PCDHA13: variants seen among roughly 807,000 people sequenced by gnomAD.
PCDHA13 encodes the protein protocadherin alpha-13.
PCDHA13 carries 54 observed loss-of-function variants against 64.8 expected under a neutral mutation model. The observed-to-expected ratio is 0.83, with a 90% CI of 0.67 to 1.04. The LOEUF is 1.04. Ranked by LOEUF, PCDHA13 falls within the 50% of genes least tolerant of loss-of-function variation. The pLI is 0.00. For synonymous variants in PCDHA13, 587 were observed against 564.4 expected (o/e 1.04, Z -0.57); for missense variants, 1,248 against 1,254.3 (o/e 0.99, Z 0.08).
chr5:140,939,018 T>G (rs1554212547), intron 1 of PCDHA13, among the ~76,000 whole-genome samples: 1 of 152,228 alleles, frequency 6.6e-6, no homozygotes, highest in Non-Finnish European at 1.5e-5. Context: ...TTACTTTTCT[T>G]TTACTTATTC....
chr5:140,892,424 C>T (rs1288815822), intron 1 of PCDHA13, among the ~76,000 whole-genome samples: 1 of 152,040 alleles, frequency 6.6e-6, no homozygotes, highest in Non-Finnish European at 1.5e-5. Context: ...CTAGATAAAA[C>T]CTCATTATCT....
intron 1 of PCDHA13, among the ~76,000 whole-genome samples, chr5:140,949,632 T>C (rs932981591): frequency 2.6e-5 from 4 of 151,894 alleles, no homozygotes; most frequent in Non-Finnish European, 5.9e-5. Flanking sequence ...TCATGGCATA[T>C]TGCTTTTTGT....
intron 1 of PCDHA13, among the ~76,000 whole-genome samples, chr5:140,954,899 T>C (rs2095107956): frequency 6.6e-6 from 1 of 152,196 alleles, no homozygotes; most frequent in South Asian, 2.1e-4. Flanking sequence ...GTTTTTATAG[T>C]TTCATACTTT....
intron 1 of PCDHA13, among the ~76,000 whole-genome samples, chr5:140,934,050 C>T (rs558726288): frequency 6.6e-6 from 1 of 151,952 alleles, no homozygotes; most frequent in East Asian, 1.9e-4. Flanking sequence ...TTAGTCTTTC[C>T]AAGGCTAACT....
At chr5:140,928,096 C>T (rs145229632) in intron 1 of PCDHA13, 1 of 1,614,170 alleles carries the variant, frequency 6.2e-7, no homozygotes, top group Non-Finnish European at 8.5e-7. Context: ...GATTGATGGG[C>T]CCCTGGACCG....
In PCDHA13 at chr5:140,967,905, C is replaced by G. The variant is rs782291807; in HGVS notation, c.2395-11044C>G. ...AGCCCAGTGCCTGAGAATGCTACAC[C>G]CAACACCATTGTGGCCGTTCTCAGT... is the stretch of plus-strand genomic sequence containing the variant. On this transcript the variant is annotated intron_variant, in intron 1 of 3. Transcript: ENST00000289272. 36 of 1,614,168 alleles carry G rather than the reference C, an allele frequency of 2.2e-5. No homozygotes were observed. Among genetic ancestry groups the G allele is most frequent in the Non-Finnish European group, 2.8e-5 (33 of 1,180,028 alleles).
intron 2 of PCDHA13, among the ~76,000 whole-genome samples, chr5:140,981,149 G>T (rs2096919822): frequency 6.6e-6 from 1 of 152,202 alleles, no homozygotes; most frequent in South Asian, 2.1e-4. Flanking sequence ...AGAAAACATT[G>T]AACTTATATG....
At position 140,946,014 on chromosome 5, in the gene PCDHA13, C is replaced by T. The variant is rs116323983; in HGVS notation, c.2395-32935C>T. On this transcript the variant is annotated intron_variant, in intron 1 of 3. Coordinates refer to ENST00000289272, the MANE Select transcript of PCDHA13 (RefSeq NM_018904.3). ...ATTGCATCAAACTAAAAAGCTCCTG[C>T]GCAGCAAAGAAAACAAGAGTGAAGG... Among the ~76,000 whole-genome samples, 849 of 151,986 alleles carry T rather than the reference C, an allele frequency of 5.6e-3. 7 individuals carry two copies. The highest frequency in any genetic ancestry group is 0.02 in the African/African-American group (814 of 41,504).
At chr5:140,909,215 AC>A (rs1554193695) in intron 1 of PCDHA13, among the ~76,000 whole-genome samples, 1 of 152,160 alleles carries the variant, frequency 6.6e-6, no homozygotes, top group African/African-American at 2.4e-5. Flanking sequence ...GAGTTGATAT[AC>A]CCCTGAGGTA....
At chr5:140,967,669 G>C in intron 1 of PCDHA13, 9 of 1,614,126 alleles carry the variant, frequency 5.6e-6, no homozygotes, top group Non-Finnish European at 7.6e-6. Flanking sequence ...GCTACACGTC[G>C]GACCGGGAGA....
chr5:140,917,633 A>T (rs537704186), intron 1 of PCDHA13, among the ~76,000 whole-genome samples: 1 of 152,268 alleles, frequency 6.6e-6, no homozygotes, highest in East Asian at 1.9e-4. Context: ...ATGGTTAGCT[A>T]GTTATCCCAG....
chr5:140,982,623 C>T, intron 3 of PCDHA13, 60 bp downstream of exon 3: 1 of 1,583,652 alleles, frequency 6.3e-7, no homozygotes, highest in South Asian at 1.2e-5. Context: ...AGATGACCTA[C>T]TTTTGTAAGA....
At position 141,011,260 on chromosome 5, in the gene PCDHA13, C is replaced by T. The variant is rs2098420018; in HGVS notation, c.*1323C>T. On this transcript the variant is annotated 3_prime_UTR_variant, in exon 4 of 4. Coordinates refer to ENST00000289272, the MANE Select transcript of PCDHA13 (RefSeq NM_018904.3). ...TGACTTGTCTTGGTGTGCTAGCCTA[C>T]ACCTTCTCTTTGGTTTAGTTTTCCT... The T allele has an allele frequency of 6.5e-6, 1 of 153,766 alleles. No individual in the cohort carries two copies. The highest frequency in any genetic ancestry group is 6.5e-5 in the Admixed American group (1 of 15,278). 9.5% of individuals were successfully genotyped at this position (153,766 alleles called of 1,614,324 possible).
At chr5:140,993,464 A>T (rs1309811031) in intron 3 of PCDHA13, among the ~76,000 whole-genome samples, 11 of 28,960 alleles carry the variant, frequency 3.8e-4, no homozygotes, top group South Asian at 2.7e-3. Flanking sequence ...TTTCTTTCTC[A>T]CACACACACA....
intron 1 of PCDHA13, among the ~76,000 whole-genome samples, chr5:140,914,423 G>T (rs1293093692): frequency 3.3e-5 from 5 of 152,086 alleles, no homozygotes; most frequent in African/African-American, 1.2e-4. Context: ...CCATTAGCAA[G>T]GAATATCTTT....
chr5:140,941,841 A>G (rs1483251367), intron 1 of PCDHA13, among the ~76,000 whole-genome samples: 1 of 152,180 alleles, frequency 6.6e-6, no homozygotes, highest in Non-Finnish European at 1.5e-5. Flanking sequence ...TTAGGCTGCC[A>G]TTACCTGATA....
intron 1 of PCDHA13, among the ~76,000 whole-genome samples, chr5:140,888,841 C>T (rs2062001270): frequency 1.3e-5 from 2 of 151,998 alleles, no homozygotes; most frequent in Admixed American, 1.3e-4. Flanking sequence ...CCACTGCAGC[C>T]TGGTGACAGA....
chr5:140,962,369 AT>A (rs1181838799), intron 1 of PCDHA13, among the ~76,000 whole-genome samples: 1 of 152,154 alleles, frequency 6.6e-6, no homozygotes, highest in Admixed American at 6.5e-5. Flanking sequence ...GGCTAGTTTG[AT>A]TTTATCTGTT....
chr5:140,933,762 T>C (rs2089409260), intron 1 of PCDHA13, among the ~76,000 whole-genome samples: 1 of 152,128 alleles, frequency 6.6e-6, no homozygotes, highest in African/African-American at 2.4e-5. Flanking sequence ...AGTGAAGCTC[T>C]CTGTACCTAC....
Sources: gnomAD v4.1 joint callset for allele counts (sites outside exome capture counted in the v4.1 genomes callset) on GRCh38, gnomAD v4.1.1 for gene constraint, MANE v1.5 for transcripts, NCBI Gene and HGNC (gene_info 2026-07-23, HGNC 2026-07-21) for gene names.